The following CTNNA3 variants were observed in gnomAD, a reference collection of about 807,000 sequenced individuals.
CTNNA3 encodes catenin alpha-3.
A neutral mutation model predicts 95.7 loss-of-function variants in CTNNA3; 76 were observed. That is an observed-to-expected ratio of 0.79 (90% CI 0.66 to 0.96). The LOEUF (loss-of-function observed/expected upper bound fraction) is 0.96. Among genes scored for constraint, CTNNA3 ranks in the 40% least tolerant of loss-of-function variants. The probability of loss-of-function intolerance (pLI) is 0.00; values close to 1 mark genes in which losing one functional copy is unlikely to be tolerated. For synonymous variants in CTNNA3, 431 were observed against 374.4 expected, an observed-to-expected ratio of 1.15 and a Z score of -1.74; for missense variants, 1,191 against 1,089.8, an observed-to-expected ratio of 1.09 and a Z score of -1.31.
At chr10:66,321,398 G>C (rs555414621) in intron 12 of CTNNA3, among the ~76,000 whole-genome samples, 1 of 152,132 alleles carries the variant, frequency 6.6e-6, no homozygotes, top group South Asian at 2.1e-4. Flanking sequence ...AGGTAGAAGA[G>C]GGTTGGACTT....
chr10:66,685,730 T>C (rs560230235), intron 9 of CTNNA3, among the ~76,000 whole-genome samples: 1 of 152,136 alleles, frequency 6.6e-6, no homozygotes, highest in East Asian at 1.9e-4. Flanking sequence ...AAAATGACCA[T>C]GAACAATTTT....
chr10:67,440,436 C>T (rs1176447063), intron 5 of CTNNA3, among the ~76,000 whole-genome samples: 4 of 152,158 alleles, frequency 2.6e-5, no homozygotes, highest in Non-Finnish European at 4.4e-5. Context: ...AAGGGAAGGA[C>T]ATAAACCTAG....
At chr10:66,840,730 T>C (rs1049066424) in intron 7 of CTNNA3, among the ~76,000 whole-genome samples, 2 of 152,120 alleles carry the variant, frequency 1.3e-5, no homozygotes, top group African/African-American at 4.8e-5. Context: ...GGCTGTTCTC[T>C]TTTTTAAAAC....
chr10:66,571,467 A>G (rs1842865374), intron 10 of CTNNA3, among the ~76,000 whole-genome samples: 1 of 152,180 alleles, frequency 6.6e-6, no homozygotes, highest in African/African-American at 2.4e-5. Flanking sequence ...GGATGAGGAA[A>G]TTGGCTTAGA....
At chr10:66,525,241 T>C (rs1841212470) in intron 10 of CTNNA3, among the ~76,000 whole-genome samples, 1 of 152,056 alleles carries the variant, frequency 6.6e-6, no homozygotes, top group South Asian at 2.1e-4. Flanking sequence ...TTGACTGTTT[T>C]TGAGAGTATC....
At chr10:66,076,680 G>C (rs978085415) in intron 14 of CTNNA3, among the ~76,000 whole-genome samples, 4 of 151,626 alleles carry the variant, frequency 2.6e-5, no homozygotes, top group Non-Finnish European at 5.9e-5. Flanking sequence ...GGTCGAAACA[G>C]AGTAAATTAT....
chr10:66,011,301 T>C (rs2079000718), intron 15 of CTNNA3, among the ~76,000 whole-genome samples: 1 of 152,110 alleles, frequency 6.6e-6, no homozygotes, highest in Non-Finnish European at 1.5e-5. Flanking sequence ...TCTTTCTCTT[T>C]CTTTTCTCAC....
rs561121787 is a variant in CTNNA3, at chr10:67,630,350, G to C, written c.99+17065C>G. 2.0e-5 allele frequency among the ~76,000 whole-genome samples: 3 copies of C among 152,264 alleles called. No individual in the cohort carries two copies. In the East Asian group the frequency reaches 5.8e-4, roughly 29 times the overall value. ...TGTCATGTCCAGGTGAACATTTTAG[G>C]AGTTCTCGCATGATTTATCATGTTC... On this transcript the variant is annotated intron_variant, in intron 2 of 17. Transcript: ENST00000433211.
intron 13 of CTNNA3, among the ~76,000 whole-genome samples, chr10:66,268,493 C>A (rs539343653): frequency 6.6e-6 from 1 of 152,180 alleles, no homozygotes; most frequent in Non-Finnish European, 1.5e-5. Context: ...GTCTTCTACT[C>A]CTTAGTCCAG....
At chr10:66,062,924 G>T (rs2080231794) in intron 15 of CTNNA3, among the ~76,000 whole-genome samples, 1 of 152,044 alleles carries the variant, frequency 6.6e-6, no homozygotes, top group African/African-American at 2.4e-5. Context: ...CAAAGCCACT[G>T]ATTTGTCAGA....
chr10:66,076,779 A>C (rs1026224218), intron 14 of CTNNA3, among the ~76,000 whole-genome samples: 1 of 151,718 alleles, frequency 6.6e-6, no homozygotes, highest in African/African-American at 2.4e-5. Context: ...CAGTCACTCT[A>C]TTGAGCACTT....
chr10:66,447,018 T>C (rs1219159906), intron 11 of CTNNA3, among the ~76,000 whole-genome samples: 1 of 151,592 alleles, frequency 6.6e-6, no homozygotes, highest in Non-Finnish European at 1.5e-5. Context: ...ACAAGCATTC[T>C]TATACACCAA....
intron 7 of CTNNA3, among the ~76,000 whole-genome samples, chr10:67,156,916 G>T (rs931375024): frequency 6.8e-6 from 1 of 146,882 alleles, no homozygotes; most frequent in African/African-American, 2.5e-5. Context: ...TTGCTATCTA[G>T]CTTTTCCTTC....
At chr10:66,731,384 T>C (rs2132666164) in intron 9 of CTNNA3, among the ~76,000 whole-genome samples, 1 of 152,282 alleles carries the variant, frequency 6.6e-6, no homozygotes, top group Admixed American at 6.5e-5. Flanking sequence ...CCAATATGGG[T>C]GACTTTCCCA....
At chr10:66,677,141 G>T (rs927113340) in intron 9 of CTNNA3, among the ~76,000 whole-genome samples, 1 of 152,048 alleles carries the variant, frequency 6.6e-6, no homozygotes, top group African/African-American at 2.4e-5. Context: ...GTAAATGACT[G>T]GTTTGAGCCA....
chr10:65,927,235 A>G (rs1391027111), intron 17 of CTNNA3, among the ~76,000 whole-genome samples: 1 of 152,180 alleles, frequency 6.6e-6, no homozygotes, highest in Non-Finnish European at 1.5e-5. Context: ...AGGACTTACT[A>G]GTCTTCCTTT....
At chr10:66,326,241 GAC>G (rs1157912555) in intron 12 of CTNNA3, among the ~76,000 whole-genome samples, 6 of 152,176 alleles carry the variant, frequency 3.9e-5, no homozygotes, top group African/African-American at 9.6e-5. Flanking sequence ...TAAAGTGAAG[GAC>G]ACTAATACTT....
intron 7 of CTNNA3, among the ~76,000 whole-genome samples, chr10:66,856,008 G>C (rs542754720): frequency 1.3e-5 from 2 of 152,030 alleles, no homozygotes; most frequent in South Asian, 4.1e-4. Context: ...TCAGGGGTTT[G>C]GTGTACAGAT....
intron 12 of CTNNA3, among the ~76,000 whole-genome samples, chr10:66,360,728 CTTT>C (rs2092657272): frequency 2.6e-4 from 4 of 15,416 alleles, no homozygotes; most frequent in African/African-American, 3.7e-4. Flanking sequence ...TTCTTCCTTT[CTTT>C]CTTTCTTTCT....
Sources: gnomAD v4.1 joint callset for allele counts (sites outside exome capture counted in the v4.1 genomes callset) on GRCh38, gnomAD v4.1.1 for gene constraint, MANE v1.5 for transcripts, NCBI Gene and HGNC (gene_info 2026-07-23, HGNC 2026-07-21) for gene names.